Variants in GKAP1 observed in about 807,000 individuals in gnomAD.
GKAP1 encodes G kinase anchoring protein 1, also known as G kinase-anchoring protein 1.
GKAP1 carries 31 observed loss-of-function variants against 56.7 expected under a neutral mutation model. That is an observed-to-expected ratio of 0.55 (90% CI 0.41 to 0.74). GKAP1 has a LOEUF of 0.74. Ranked by LOEUF, GKAP1 falls within the 30% of genes least tolerant of loss-of-function variation. The probability of loss-of-function intolerance (pLI) is 0.00; values close to 1 mark genes in which losing one functional copy is unlikely to be tolerated. For missense variants in GKAP1, 364 were observed against 402.3 expected, an observed-to-expected ratio of 0.90 and a Z score of 0.82; for synonymous variants, 151 against 138.6, an observed-to-expected ratio of 1.09 and a Z score of -0.63.
At chr9:83,756,335 G>GTGGCACATGCCTT (rs1943475038) in intron 8 of GKAP1, among the ~76,000 whole-genome samples, 1 of 151,634 alleles carries the variant, frequency 6.6e-6, no homozygotes, top group South Asian at 2.1e-4. Context: ...GCTGGGTGTG[G>GTGGCACATGCCTT]TGGCACATGC....
intron 7 of GKAP1, among the ~76,000 whole-genome samples, chr9:83,779,507 ATGTG>A (rs1271569374): frequency 5.0e-5 from 7 of 138,722 alleles, no homozygotes; most frequent in Middle Eastern, 3.5e-3. Flanking sequence ...ATACACATAT[ATGTG>A]TATATATATA....
intron 10 of GKAP1, among the ~76,000 whole-genome samples, chr9:83,747,693 G>A (rs536710742): frequency 7.3e-5 from 11 of 151,082 alleles, no homozygotes; most frequent in African/African-American, 2.2e-4. Context: ...TGCAAGTACA[G>A]TGGTGCAATC....
Position 83,806,344 on chromosome 9 carries a change from T to C in GKAP1, c.174A>G (p.Lys58=), listed in dbSNP as rs1177382499. 1 of 1,555,026 alleles carries C rather than the reference T, an allele frequency of 6.4e-7. No individual in the cohort carries two copies. Among genetic ancestry groups the C allele is most frequent in the Non-Finnish European group, 8.7e-7 (1 of 1,148,714 alleles). ...KSTTNEKKRE[K]RRKKKEQQQS... is the part of the protein sequence containing the mutation. ...GTTGCTGTTCCTTCTTTTTTCTTCT[T>C]TTCTCTCTTTTTTTCTCATTTGTAG... The change falls in exon 3 of 13, where the codon AAA becomes AAG. Residue 58 remains lysine, a synonymous_variant. Coordinates refer to ENST00000376371, the MANE Select transcript of GKAP1 (RefSeq NM_025211.4).
chr9:83,807,917 A>G (rs969803930), intron 2 of GKAP1, among the ~76,000 whole-genome samples: 2 of 152,246 alleles, frequency 1.3e-5, no homozygotes, highest in South Asian at 4.1e-4. Context: ...AAAAATGAGA[A>G]GTATGTATTC....
At chr9:83,774,392 C>T (rs560169002) in intron 7 of GKAP1, among the ~76,000 whole-genome samples, 2 of 151,300 alleles carry the variant, frequency 1.3e-5, no homozygotes, top group South Asian at 2.1e-4. Context: ...ACTTGAGCCC[C>T]GGAGTTCAAG....
At chr9:83,797,126 A>C (rs1341142964) in intron 4 of GKAP1, among the ~76,000 whole-genome samples, 1 of 152,178 alleles carries the variant, frequency 6.6e-6, no homozygotes, top group Non-Finnish European at 1.5e-5. Context: ...TAGGTGTTTA[A>C]TTCTAGCTCT....
At chr9:83,747,689 T>C (rs1040033551) in intron 10 of GKAP1, among the ~76,000 whole-genome samples, 4 of 151,802 alleles carry the variant, frequency 2.6e-5, no homozygotes, top group Non-Finnish European at 1.5e-5. Context: ...AGGCTGCAAG[T>C]ACAGTGGTGC....
intron 4 of GKAP1, among the ~76,000 whole-genome samples, chr9:83,794,150 G>C (rs1350225681): frequency 6.6e-6 from 1 of 152,006 alleles, no homozygotes; most frequent in Non-Finnish European, 1.5e-5. Context: ...TTGGGCGATG[G>C]GAGTAAGACC....
chr9:83,775,086 C>T (rs1442628119), intron 7 of GKAP1, among the ~76,000 whole-genome samples: 1 of 151,750 alleles, frequency 6.6e-6, no homozygotes, highest in Non-Finnish European at 1.5e-5. Context: ...ATAGCTCATC[C>T]TGGAATTCCT....
chr9:83,739,668 CTT>C lies in GKAP1; in HGVS notation c.*27_*28del. ...TTTGCAAAATCCTGGAAGTTTTAAACTTTGTGTTGACTTCAAAGGCTAATGTA... is the reference window on the plus strand; with the variant it reads ...TTTGCAAAATCCTGGAAGTTTTAAACTGTGTTGACTTCAAAGGCTAATGTA... On this transcript the variant is annotated 3_prime_UTR_variant, in exon 13 of 13. Coordinates refer to ENST00000376371, the MANE Select transcript of GKAP1 (RefSeq NM_025211.4). 1 of 1,574,748 alleles carries C rather than the reference CTT, an allele frequency of 6.4e-7. No homozygotes were observed. Among genetic ancestry groups the C allele is most frequent in the Non-Finnish European group, 8.6e-7 (1 of 1,159,828 alleles).
At chr9:83,747,237 A>G (rs11140232) in intron 10 of GKAP1, among the ~76,000 whole-genome samples, 1 of 152,226 alleles carries the variant, frequency 6.6e-6, no homozygotes, top group Admixed American at 6.5e-5. Flanking sequence ...AGGTATATAC[A>G]CAGTGAGAAA....
At chr9:83,742,153 CATAATTT>C (rs1943219406) in intron 11 of GKAP1, 124 bp from the exon 12 acceptor site, 1 of 670,010 alleles carries the variant, frequency 1.5e-6, no homozygotes, top group South Asian at 1.7e-5. Flanking sequence ...AAGCTCCCCC[CATAATTT>C]CCATTTGGTA....
chr9:83,744,334 G>C (rs2131226051), intron 10 of GKAP1, among the ~76,000 whole-genome samples: 1 of 152,222 alleles, frequency 6.6e-6, no homozygotes, highest in South Asian at 2.1e-4. Context: ...ACAATTTTAT[G>C]AACAGAGAAA....
chr9:83,742,026 T>C lies in GKAP1; in HGVS notation c.979A>G (p.Thr327Ala). The change falls in exon 12 of 13, where the codon ACT (threonine) becomes GCT (alanine). Residue 327 changes from threonine (T) to alanine (A), a missense_variant. Thr to Ala is a moderately conservative substitution (Grantham distance 58, BLOSUM62 0). Transcript: ENST00000376371. Reference sequence around the variant, plus strand: ...TGTTCTAATGCAGCATGAAGTGAAGTCACCTATAACCAAATATTCAATAAG... The same window carrying C: ...TGTTCTAATGCAGCATGAAGTGAAGCCACCTATAACCAAATATTCAATAAG... ...SIKNELTIQV[T>A]SLHAALEQER... 1 of 1,584,014 alleles carries C rather than the reference T, an allele frequency of 6.3e-7. No homozygotes were observed. Among genetic ancestry groups the C allele is most frequent in the Non-Finnish European group, 8.6e-7 (1 of 1,167,336 alleles).
At chr9:83,774,081 G>A (rs1409394838) in intron 7 of GKAP1, among the ~76,000 whole-genome samples, 1 of 151,848 alleles carries the variant, frequency 6.6e-6, no homozygotes, top group Non-Finnish European at 1.5e-5. Flanking sequence ...CATTGGCCAG[G>A]CTGGTCTCTG....
chr9:83,751,595 A>T (rs1038408944), intron 9 of GKAP1, among the ~76,000 whole-genome samples: 6 of 152,232 alleles, frequency 3.9e-5, no homozygotes, highest in African/African-American at 1.4e-4. Context: ...GGGAAATGTA[A>T]GAACCATCAG....
chr9:83,789,039 T>C (rs1267866615), intron 4 of GKAP1: 1 of 159,798 alleles, frequency 6.3e-6, no homozygotes, highest in Non-Finnish European at 1.4e-5. Context: ...TACTCAAAAA[T>C]ATAAGAATAC....
At chr9:83,760,831 A>C (rs911613307) in intron 8 of GKAP1, among the ~76,000 whole-genome samples, 1 of 152,152 alleles carries the variant, frequency 6.6e-6, no homozygotes, top group South Asian at 2.1e-4. Flanking sequence ...GATAATGGAA[A>C]TAACACACCA....
Position 83,804,702 on chromosome 9 carries a change from G to A in GKAP1, c.216+1600C>T, listed in dbSNP as rs949104936. On this transcript the variant is annotated intron_variant, in intron 3 of 12. Coordinates refer to ENST00000376371, the MANE Select transcript of GKAP1 (RefSeq NM_025211.4). ...GGTCCAGCCCCCCGCCCGGCCAGCC[G>A]CCCCGTACGGGAGGGAGGTGGGGTC... is the stretch of plus-strand genomic sequence containing the variant. Among the ~76,000 whole-genome samples the A allele has an allele frequency of 3.5e-5, 5 of 144,362 alleles. No individual in the cohort carries two copies. In the East Asian group the frequency reaches 6.5e-4, roughly 19 times the overall value. 94.7% of individuals were successfully genotyped at this position (144,362 alleles called of 152,430 possible). A position where few individuals can be genotyped will look rare whatever the true frequency, so the allele number is the denominator to read the frequency against.
Sources: allele counts gnomAD v4.1 joint callset (sites outside exome capture counted in the v4.1 genomes callset), GRCh38; gene constraint gnomAD v4.1.1; transcripts MANE v1.5; gene names NCBI Gene and HGNC (gene_info 2026-07-23, HGNC 2026-07-21).